Variants in KHDC1 observed in about 807,000 individuals in gnomAD.
KHDC1 encodes the protein KH homology domain-containing protein 1.
In KHDC1, 21 loss-of-function variants were observed where a neutral mutation model predicts 24.7. The observed-to-expected ratio is 0.85, with a 90% confidence interval of 0.60 to 1.23. KHDC1 has a LOEUF of 1.23. Among genes scored for constraint, KHDC1 ranks in the 50% most tolerant of loss-of-function variants. The pLI is 0.00. For synonymous variants in KHDC1, 98 were observed against 111.7 expected (o/e 0.88, Z 0.77); for missense variants, 274 against 298.5 (o/e 0.92, Z 0.61).
At chr6:73,293,134 T>C in intron 1 of KHDC1, 2 of 793,410 alleles carry the variant, frequency 2.5e-6, no homozygotes, top group South Asian at 1.3e-5. Flanking sequence ...CAATGTACTC[T>C]CACCCTATCA....
intron 2 of KHDC1, among the ~76,000 whole-genome samples, chr6:73,273,008 G>A (rs1199830888): frequency 1.3e-5 from 2 of 150,460 alleles, no homozygotes; most frequent in East Asian, 2.0e-4. Flanking sequence ...ATAGGCACGT[G>A]CCACCACGCC....
At chr6:73,255,918 A>AG in intron 2 of KHDC1, among the ~76,000 whole-genome samples, 2 of 151,816 alleles carry the variant, frequency 1.3e-5, no homozygotes, top group East Asian at 3.9e-4. Flanking sequence ...AAAAAAAAAA[A>AG]AAAAAAGAGG....
chr6:73,258,982 G>C (rs966427), intron 2 of KHDC1, among the ~76,000 whole-genome samples: 7,042 of 152,282 alleles, frequency 0.046, 531 homozygotes, highest in African/African-American at 0.16. Context: ...GAGCCCACTG[G>C]TGAGAGGAAT....
chr6:73,279,833 C>T (rs1184292780), intron 2 of KHDC1, among the ~76,000 whole-genome samples: 1 of 152,164 alleles, frequency 6.6e-6, no homozygotes, highest in Non-Finnish European at 1.5e-5. Context: ...ACCTCGGCCT[C>T]CCAAAGTGCC....
intron 1 of KHDC1, among the ~76,000 whole-genome samples, chr6:73,298,348 C>T (rs1010198721): frequency 5.3e-5 from 8 of 151,168 alleles, no homozygotes; most frequent in Non-Finnish European, 1.0e-4. Flanking sequence ...TTTTCCTTGG[C>T]AAGAGTTCTT....
At chr6:73,253,524 G>C (rs1294226295) in intron 2 of KHDC1, among the ~76,000 whole-genome samples, 1 of 151,752 alleles carries the variant, frequency 6.6e-6, no homozygotes, top group African/African-American at 2.4e-5. Context: ...CTGCAGTCCA[G>C]CCTGGGTGAA....
intron 2 of KHDC1, among the ~76,000 whole-genome samples, chr6:73,262,525 G>C (rs1419759535): frequency 6.6e-6 from 1 of 152,142 alleles, no homozygotes; most frequent in Non-Finnish European, 1.5e-5. Context: ...CATTTTAAAG[G>C]TGTTACACCC....
Position 73,289,898 on chromosome 6 carries a change from A to T in KHDC1, c.206+2100T>A, listed in dbSNP as rs1562257774. On this transcript the variant is annotated intron_variant, in intron 2 of 4. Coordinates refer to ENST00000370384, the Ensembl canonical transcript of KHDC1. Reference sequence around the variant, plus strand: ...GGTGGATCATGAGGTCAGGAGATCGAGACCATCCTGGCTAACAAGGTGAAA... The same window carrying T: ...GGTGGATCATGAGGTCAGGAGATCGTGACCATCCTGGCTAACAAGGTGAAA... Among the ~76,000 whole-genome samples the T allele has an allele frequency of 5.9e-5, 9 of 151,876 alleles. No individual in the cohort carries two copies. In the South Asian group the frequency reaches 1.9e-3, roughly 32 times the overall value.
chr6:73,263,013 C>T, intron 2 of KHDC1: 1 of 1,020,804 alleles, frequency 9.8e-7, no homozygotes, highest in South Asian at 3.9e-5. Flanking sequence ...GGTGGCGCGC[C>T]GCAGGCCTGG....
At chr6:73,241,615 C>T in exon 5 of KHDC1, 1 of 1,614,194 alleles carries the variant, frequency 6.2e-7, no homozygotes, top group Non-Finnish European at 8.5e-7. Context: ...CACACGGTTC[C>T]ACTTATCCTG....
At chr6:73,301,785 C>T (rs1767882876) in intron 1 of KHDC1, among the ~76,000 whole-genome samples, 1 of 152,002 alleles carries the variant, frequency 6.6e-6, no homozygotes, top group African/African-American at 2.4e-5. Flanking sequence ...CATGTGCCAC[C>T]ATGTCCAGCT....
chr6:73,277,376 AATCGCC>A (rs1471705480), intron 2 of KHDC1, among the ~76,000 whole-genome samples: 1 of 151,736 alleles, frequency 6.6e-6, no homozygotes, highest in Non-Finnish European at 1.5e-5. Context: ...GAGGCAGGAG[AATCGCC>A]TGAACCCAGG....
exon 3 of KHDC1, chr6:73,242,495 A>G: frequency 6.2e-7 from 1 of 1,614,198 alleles, no homozygotes; most frequent in Non-Finnish European, 8.5e-7. Context: ...CTTCTTGCTG[A>G]GAGCACTCGT....
At chr6:73,280,468 TA>T (rs1767382114) in intron 2 of KHDC1, among the ~76,000 whole-genome samples, 1 of 151,692 alleles carries the variant, frequency 6.6e-6, no homozygotes, top group Non-Finnish European at 1.5e-5. Context: ...AAGCCAAACA[TA>T]TCCTTTTATG....
chr6:73,263,638 C>A (rs1767029814), intron 2 of KHDC1, among the ~76,000 whole-genome samples: 1 of 151,878 alleles, frequency 6.6e-6, no homozygotes, highest in African/African-American at 2.4e-5. Flanking sequence ...CAGGCCCACC[C>A]TCTGCAGGGC....
intron 2 of KHDC1, among the ~76,000 whole-genome samples, chr6:73,254,551 T>C (rs1488038804): frequency 1.3e-5 from 2 of 151,770 alleles, no homozygotes; most frequent in African/African-American, 4.8e-5. Context: ...AGAAAGTGTT[T>C]CTGCTCTAAA....
At chr6:73,296,314 G>T (rs1677365243) in intron 1 of KHDC1, among the ~76,000 whole-genome samples, 1 of 148,702 alleles carries the variant, frequency 6.7e-6, no homozygotes, top group Non-Finnish European at 1.5e-5. Context: ...AATTAGCCAG[G>T]TGTAATGGCA....
intron 1 of KHDC1, chr6:73,292,347 A>G: frequency 3.5e-6 from 3 of 849,188 alleles, no homozygotes; most frequent in Non-Finnish European, 6.2e-6. Context: ...GAGTATTTAG[A>G]TACATTCTAC....
chr6:73,292,792 G>C (rs1183235017), intron 1 of KHDC1: 1 of 714,014 alleles, frequency 1.4e-6, no homozygotes, highest in Middle Eastern at 3.6e-4. Context: ...TTACTCAACA[G>C]GAGTCTTACA....
Sources: allele counts gnomAD v4.1 joint callset (sites outside exome capture counted in the v4.1 genomes callset), GRCh38; gene constraint gnomAD v4.1.1; transcripts MANE v1.5; gene names NCBI Gene and HGNC (gene_info 2026-07-23, HGNC 2026-07-21).